Variants in ASIC2 observed in about 807,000 individuals in gnomAD.
The protein encoded by ASIC2 is acid sensing ion channel subunit 2.
A neutral mutation model predicts 57.3 loss-of-function variants in ASIC2; 25 were observed. The observed-to-expected ratio is 0.44, with a 90% CI of 0.32 to 0.61. ASIC2 has a LOEUF of 0.61. ASIC2 is among the 20% of genes least tolerant of loss of function. The pLI, the probability that ASIC2 is intolerant of heterozygous loss-of-function variation, is 0.06. For synonymous variants in ASIC2, 319 were observed against 307.5 expected (o/e 1.04, Z -0.39); for missense variants, 641 against 738.1 (o/e 0.87, Z 1.52).
intron 3 of ASIC2, among the ~76,000 whole-genome samples, chr17:33,064,279 A>G (rs1379482817): frequency 2.6e-5 from 4 of 151,840 alleles, no homozygotes; most frequent in African/African-American, 2.4e-5. Flanking sequence ...TTTTTTCCCC[A>G]TCTTTGTGGT....
chr17:33,582,761 A>C (rs1334285406), intron 1 of ASIC2, among the ~76,000 whole-genome samples: 1 of 151,864 alleles, frequency 6.6e-6, no homozygotes, highest in Non-Finnish European at 1.5e-5. Flanking sequence ...CCACCCCCTC[A>C]TACACACTCA....
chr17:33,832,544 A>C (rs566664289), intron 1 of ASIC2, among the ~76,000 whole-genome samples: 3 of 152,368 alleles, frequency 2.0e-5, no homozygotes, highest in Admixed American at 6.5e-5. Flanking sequence ...GTTGAAGGCT[A>C]TCAAGTTGCC....
intron 3 of ASIC2, among the ~76,000 whole-genome samples, chr17:33,060,454 CA>C (rs1395671773): frequency 6.6e-6 from 1 of 152,090 alleles, no homozygotes; most frequent in Non-Finnish European, 1.5e-5. Flanking sequence ...TAAGGTTTGT[CA>C]AAGATGAAAT....
intron 1 of ASIC2, among the ~76,000 whole-genome samples, chr17:33,830,780 G>C (rs1913083455): frequency 6.6e-6 from 1 of 151,862 alleles, no homozygotes. Flanking sequence ...TGTTCTCACT[G>C]TTCAAATTCC....
chr17:33,210,824 G>A (rs904958746), intron 1 of ASIC2, among the ~76,000 whole-genome samples: 2 of 152,164 alleles, frequency 1.3e-5, no homozygotes, highest in African/African-American at 4.8e-5. Flanking sequence ...ACAGGCGTGG[G>A]CGGGTACCCT....
chr17:34,127,297 C>G (rs1413454549), intron 1 of ASIC2, among the ~76,000 whole-genome samples: 1 of 152,194 alleles, frequency 6.6e-6, no homozygotes, highest in African/African-American at 2.4e-5. Flanking sequence ...CCCTGCCTTG[C>G]CCAGTCTGTC....
intron 1 of ASIC2, among the ~76,000 whole-genome samples, chr17:33,934,177 C>G (rs1014860003): frequency 6.6e-6 from 1 of 152,178 alleles, no homozygotes; most frequent in Non-Finnish European, 1.5e-5. Context: ...GGCAGGCCTG[C>G]CCTGTGATCT....
At chr17:33,642,228 A>ACCCCTCCC (rs1906595406) in intron 1 of ASIC2, among the ~76,000 whole-genome samples, 1 of 135,314 alleles carries the variant, frequency 7.4e-6, no homozygotes, top group African/African-American at 2.6e-5. Context: ...CCCCACACAC[A>ACCCCTCCC]ATGGTTATGG....
At chr17:33,581,778 C>T (rs929707772) in intron 1 of ASIC2, among the ~76,000 whole-genome samples, 1 of 152,184 alleles carries the variant, frequency 6.6e-6, no homozygotes, top group Non-Finnish European at 1.5e-5. Context: ...GCTTGGTCCT[C>T]GGCCCATCGA....
intron 1 of ASIC2, among the ~76,000 whole-genome samples, chr17:33,174,881 A>T (rs1403039939): frequency 6.6e-6 from 1 of 152,104 alleles, no homozygotes; most frequent in African/African-American, 2.4e-5. Context: ...GTTTCTTCTC[A>T]TGGCATAAGT....
chr17:33,841,272 A>C (rs1290177962), intron 1 of ASIC2, among the ~76,000 whole-genome samples: 4 of 152,246 alleles, frequency 2.6e-5, no homozygotes, highest in Non-Finnish European at 5.9e-5. Flanking sequence ...TGGACTCCAG[A>C]GGTCTCTGCC....
At chr17:33,363,259 C>T (rs895666563) in intron 1 of ASIC2, among the ~76,000 whole-genome samples, 1 of 152,174 alleles carries the variant, frequency 6.6e-6, no homozygotes, top group Non-Finnish European at 1.5e-5. Context: ...GGGGGAAGAG[C>T]AGAAGACAGC....
rs148496280 is a variant in ASIC2, at chr17:33,726,873, T to C, written c.555+429105A>G. Among the ~76,000 whole-genome samples, 338 of 152,336 alleles carry C rather than the reference T, an allele frequency of 2.2e-3. 3 individuals carry two copies. The highest frequency in any genetic ancestry group is 0.01 in the Middle Eastern group (3 of 294). On this transcript the variant is annotated intron_variant, in intron 1 of 9. Transcript: ENST00000359872. ...TAGACACCTCAGGGCAGAAAGAAGG[T>C]TCAGAGATACTTGGTCTTGCAGCCA...
intron 1 of ASIC2, among the ~76,000 whole-genome samples, chr17:33,815,337 A>G (rs1025198167): frequency 6.6e-6 from 1 of 152,214 alleles, no homozygotes; most frequent in Non-Finnish European, 1.5e-5. Flanking sequence ...AACTTGGGGC[A>G]TGGCCCCCAC....
At chr17:33,263,437 T>C (rs973091789) in intron 1 of ASIC2, among the ~76,000 whole-genome samples, 1 of 152,212 alleles carries the variant, frequency 6.6e-6, no homozygotes, top group Admixed American at 6.5e-5. Context: ...AAATTCTCAA[T>C]GTGAAATTGA....
chr17:33,440,451 CAT>C (rs746080437), intron 1 of ASIC2, among the ~76,000 whole-genome samples: 2 of 152,168 alleles, frequency 1.3e-5, no homozygotes, highest in African/African-American at 4.8e-5. Context: ...TCTTTGTAGA[CAT>C]ATGTTTTCAT....
intron 1 of ASIC2, among the ~76,000 whole-genome samples, chr17:33,873,290 G>A (rs770137198): frequency 1.3e-5 from 2 of 152,138 alleles, no homozygotes; most frequent in Non-Finnish European, 2.9e-5. Flanking sequence ...CAAATTACAC[G>A]TAAGCCATGA....
At chr17:34,009,619 A>G (rs144737587) in intron 1 of ASIC2, among the ~76,000 whole-genome samples, 68 of 152,328 alleles carry the variant, frequency 4.5e-4, no homozygotes, top group Admixed American at 9.8e-4. Flanking sequence ...GGCTCACATT[A>G]TATTTCTATT....
At chr17:33,016,125 G>T (rs2091804558) in intron 8 of ASIC2, 86 bp from the exon 9 acceptor site, 2 of 1,335,242 alleles carry the variant, frequency 1.5e-6, no homozygotes, top group Non-Finnish European at 2.1e-6. Flanking sequence ...CCCCACTGGG[G>T]TGGCAGCTGC....
Sources: gnomAD v4.1 joint callset for allele counts (sites outside exome capture counted in the v4.1 genomes callset) on GRCh38, gnomAD v4.1.1 for gene constraint, MANE v1.5 for transcripts, NCBI Gene and HGNC (gene_info 2026-07-23, HGNC 2026-07-21) for gene names.